LRRC8B: variants seen among roughly 807,000 people sequenced by gnomAD.
LRRC8B encodes leucine rich repeat containing 8 VRAC subunit B.
Under a neutral mutation model 58.8 loss-of-function variants are expected in LRRC8B, and 23 were observed. The ratio of observed to expected loss-of-function variants is 0.39; its 90% confidence interval spans 0.28 to 0.55. The LOEUF is 0.55. LRRC8B is among the 20% of genes least tolerant of loss of function. LRRC8B has a pLI of 0.62. For synonymous variants in LRRC8B, 359 were observed against 374.1 expected (o/e 0.96, Z 0.47); for missense variants, 694 against 936.0 (o/e 0.74, Z 3.37).
At chr1:89,551,703 G>C (rs2100907036) in intron 1 of LRRC8B, among the ~76,000 whole-genome samples, 1 of 152,272 alleles carries the variant, frequency 6.6e-6, no homozygotes, top group South Asian at 2.1e-4. Flanking sequence ...GGAGTAACAA[G>C]AAAAGAGGGT....
chr1:89,553,226 G>T (rs915077148), intron 1 of LRRC8B, among the ~76,000 whole-genome samples: 2 of 152,178 alleles, frequency 1.3e-5, no homozygotes, highest in African/African-American at 2.4e-5. Context: ...AAGTTACCTT[G>T]TGGTGAAATC....
Position 89,591,241 on chromosome 1 carries a change from A to G in LRRC8B, c.2140-1530A>G, listed in dbSNP as rs1256603787. On this transcript the variant is annotated intron_variant, in intron 5 of 5. Coordinates refer to ENST00000330947, the MANE Select transcript of LRRC8B (RefSeq NM_001369817.2). ...AGTTTGCCTGAGTCATTTCATAGGC[A>G]CCAACAAGCACTCTTAATAATGCAC... Among the ~76,000 whole-genome samples the G allele has an allele frequency of 7.9e-5, 12 of 152,336 alleles. No individual in the cohort carries two copies. In the East Asian group the frequency reaches 2.3e-3, roughly 29 times the overall value.
intron 1 of LRRC8B, among the ~76,000 whole-genome samples, chr1:89,547,131 T>C (rs986968849): frequency 2.0e-5 from 3 of 152,190 alleles, no homozygotes; most frequent in African/African-American, 4.8e-5. Flanking sequence ...TGTATAATGA[T>C]GTGTGACACA....
chr1:89,587,121 T>G (rs945776808), intron 5 of LRRC8B, among the ~76,000 whole-genome samples: 5 of 152,154 alleles, frequency 3.3e-5, no homozygotes, highest in African/African-American at 1.2e-4. Flanking sequence ...CATTCAAAGA[T>G]TGAATGAGCA....
chr1:89,543,337 A>G (rs1651159596), intron 1 of LRRC8B, among the ~76,000 whole-genome samples: 1 of 152,230 alleles, frequency 6.6e-6, no homozygotes, highest in Non-Finnish European at 1.5e-5. Context: ...AGTCTAAGGT[A>G]TAAATTCATA....
chr1:89,555,005 A>G (rs979412453), intron 1 of LRRC8B, among the ~76,000 whole-genome samples: 37 of 152,082 alleles, frequency 2.4e-4, no homozygotes, highest in African/African-American at 8.7e-4. Flanking sequence ...AAACTTCCAG[A>G]TGGGGAGTAT....
intron 3 of LRRC8B, among the ~76,000 whole-genome samples, chr1:89,575,254 C>T (rs1345257159): frequency 6.6e-6 from 1 of 152,182 alleles, no homozygotes; most frequent in Non-Finnish European, 1.5e-5. Flanking sequence ...CTCCTTTGGC[C>T]AGTAGATTTT....
chr1:89,543,468 A>G (rs1297794532), intron 1 of LRRC8B, among the ~76,000 whole-genome samples: 1 of 151,668 alleles, frequency 6.6e-6, no homozygotes, highest in African/African-American at 2.4e-5. Context: ...GAAAAAATTT[A>G]TTCTAATATT....
intron 1 of LRRC8B, among the ~76,000 whole-genome samples, chr1:89,560,689 A>G (rs61799533): frequency 0.38 from 55,188 of 144,908 alleles, 11,633 homozygotes; most frequent in South Asian, 0.52. Flanking sequence ...TTCCAATTTC[A>G]TCCATGTCCC....
At chr1:89,550,764 T>C (rs567355855) in intron 1 of LRRC8B, among the ~76,000 whole-genome samples, 2 of 152,224 alleles carry the variant, frequency 1.3e-5, no homozygotes, top group East Asian at 3.9e-4. Flanking sequence ...CCTAAATTCC[T>C]TCATTCCTGG....
intron 1 of LRRC8B, among the ~76,000 whole-genome samples, chr1:89,525,858 TCAAA>T (rs958438549): frequency 1.3e-5 from 2 of 152,030 alleles, no homozygotes; most frequent in East Asian, 1.9e-4. Context: ...CCTAAAGACT[TCAAA>T]CAAACAAACA....
rs529213160 is a variant in LRRC8B, at chr1:89,595,849, G to A, written c.*2806G>A. ...GAGAATTTTAAATGAAGAAAATTAAGTTTGTTAAATTATAATTATGAGACT... is the reference window on the plus strand; with the variant it reads ...GAGAATTTTAAATGAAGAAAATTAAATTTGTTAAATTATAATTATGAGACT... On this transcript the variant is annotated 3_prime_UTR_variant, in exon 6 of 6. Transcript: ENST00000330947. 17 of 152,032 alleles carry A rather than the reference G, an allele frequency of 1.1e-4. No homozygotes were observed. The highest frequency in any genetic ancestry group is 2.2e-4 in the Non-Finnish European group (15 of 67,954). The allele number at this position is 152,032 out of a possible 1,614,324, so 9.4% of individuals were successfully genotyped here. A position where few individuals can be genotyped will look rare whatever the true frequency, so the allele number is the denominator to read the frequency against.
intron 5 of LRRC8B, among the ~76,000 whole-genome samples, chr1:89,592,054 A>G (rs569274542): frequency 7.9e-5 from 12 of 152,250 alleles, no homozygotes; most frequent in Non-Finnish European, 1.6e-4. Flanking sequence ...AGAAATTGAC[A>G]TGCAACCTAT....
At chr1:89,549,399 AG>A (rs1412851337) in intron 1 of LRRC8B, among the ~76,000 whole-genome samples, 2 of 152,236 alleles carry the variant, frequency 1.3e-5, no homozygotes, top group Non-Finnish European at 2.9e-5. Flanking sequence ...AACAAAGTAA[AG>A]ATGAAGTAGC....
chr1:89,557,905 CAT>C (rs1435267814), intron 1 of LRRC8B, among the ~76,000 whole-genome samples: 6 of 152,304 alleles, frequency 3.9e-5, no homozygotes, highest in Admixed American at 6.5e-5. Context: ...ATTACTCTAA[CAT>C]GTGCAGGGTT....
chr1:89,583,576 C>A lies in LRRC8B; in HGVS notation c.926C>A (p.Ala309Glu), dbSNP rs770981744. 2 of 1,611,224 alleles carry A rather than the reference C, an allele frequency of 1.2e-6. No homozygotes were observed. The highest frequency in any genetic ancestry group is 1.7e-6 in the Non-Finnish European group (2 of 1,180,026). ...YKRYQCVYSLAEIFKVLASFY... is the reference protein window; with the variant it reads ...YKRYQCVYSLEEIFKVLASFY... ...CGCTACCAGTGTGTCTATTCCTTGG[C>A]AGAAATCTTTAAGGTCCTGGCTTCA... is the stretch of plus-strand genomic sequence containing the variant. Residue 309 changes from alanine to glutamate, a missense_variant, in exon 5 of 6, where the codon GCA becomes GAA. By Grantham distance (107) the Ala-to-Glu change is moderately radical. Around this residue, in one of 5 missense-constraint regions of LRRC8B, gnomAD observed 316 missense variants for 403.8 expected, o/e 0.78. Transcript: ENST00000330947. This position sits in a 1 kb window ranked among gnomAD's most constrained non-coding sequence, Gnocchi z 5.2.
At chr1:89,588,823 C>T (rs553412677) in intron 5 of LRRC8B, among the ~76,000 whole-genome samples, 20 of 152,164 alleles carry the variant, frequency 1.3e-4, no homozygotes, top group African/African-American at 2.4e-4. Context: ...ACACTGAGTC[C>T]GCAGACTGCA....
intron 1 of LRRC8B, among the ~76,000 whole-genome samples, chr1:89,539,931 G>T: frequency 6.6e-6 from 1 of 152,246 alleles, no homozygotes. Flanking sequence ...TTTTGTGCTT[G>T]TTTTAGAATT....
intron 1 of LRRC8B, among the ~76,000 whole-genome samples, chr1:89,556,109 G>A (rs1652168239): frequency 1.3e-5 from 2 of 152,034 alleles, no homozygotes. Context: ...AAGGGGAGAG[G>A]GACTGGAGAT....
Sources: gnomAD v4.1 joint callset for allele counts (sites outside exome capture counted in the v4.1 genomes callset) on GRCh38, gnomAD v4.1.1 for gene constraint, gnomAD v4.1.1 regional missense constraint, Gnocchi (gnomAD v3.1) non-coding constraint, MANE v1.5 for transcripts, NCBI Gene and HGNC (gene_info 2026-07-23, HGNC 2026-07-21) for gene names.